MGST1: variants seen among roughly 807,000 people sequenced by gnomAD.
The protein encoded by MGST1 is microsomal glutathione S-transferase 1, also known as glutathione S-transferase 12.
In MGST1, 5 loss-of-function variants were observed where a neutral mutation model predicts 8.9. The ratio of observed to expected loss-of-function variants is 0.56; its 90% CI spans 0.29 to 1.19. The LOEUF is 1.19. MGST1 is among the 50% of genes most tolerant of loss of function. The pLI is 0.08. For synonymous variants in MGST1, 54 were observed against 67.8 expected, an observed-to-expected ratio of 0.80 and a Z score of 1.00; for missense variants, 182 against 187.4, an observed-to-expected ratio of 0.97 and a Z score of 0.17.
chr12:16,372,049 G>T (rs560000607), intron 3 of MGST1, among the ~76,000 whole-genome samples: 2 of 152,052 alleles, frequency 1.3e-5, no homozygotes, highest in East Asian at 1.9e-4. Context: ...TGGATTAAAA[G>T]CTTAAATCTA....
intron 4 of MGST1, chr12:16,573,783 A>AC (rs1942904771): frequency 6.6e-6 from 1 of 152,122 alleles, no homozygotes; most frequent in Non-Finnish European, 1.5e-5. Flanking sequence ...GCTAATTGAG[A>AC]AGTTGATCGG....
chr12:16,430,099 A>G (rs1261145111), intron 1 of MGST1, among the ~76,000 whole-genome samples: 1 of 152,200 alleles, frequency 6.6e-6, no homozygotes, highest in Non-Finnish European at 1.5e-5. Flanking sequence ...CCATCTCAAG[A>G]AATCACTTTC....
chr12:16,509,643 T>C (rs1773487963), intron 4 of MGST1, among the ~76,000 whole-genome samples: 1 of 152,224 alleles, frequency 6.6e-6, no homozygotes. Flanking sequence ...CATACCAATT[T>C]TGAAGTGTAT....
chr12:16,422,115 C>G (rs988037973), intron 1 of MGST1, among the ~76,000 whole-genome samples: 8 of 152,136 alleles, frequency 5.3e-5, no homozygotes, highest in African/African-American at 1.9e-4. Context: ...CTGGGGTGAT[C>G]ATTGGATGAG....
rs1941588767 is a variant in MGST1 at position 16,513,370 on chromosome 12, C to A, written n.483-76158C>A. 5.5e-6 allele frequency: 2 copies of A among 361,906 alleles called. No individual in the cohort carries two copies. The highest frequency in any genetic ancestry group is 4.3e-5 in the African/African-American group (2 of 46,616). The allele number at this position is 361,906 out of a possible 1,614,324, so 22.4% of individuals were successfully genotyped here. On this transcript the variant is annotated intron_variant and non_coding_transcript_variant, in intron 4 of 4. Coordinates refer to the MGST1 transcript ENST00000538857. This position sits in a 1 kb window ranked among gnomAD's most constrained non-coding sequence, Gnocchi z 4.2. Reference sequence around the variant, plus strand: ...CCCTCTGCTCCGTCCTGCGTCTGCCCACTGCCCTCCTACCGTCCACCATGG... The same window carrying A: ...CCCTCTGCTCCGTCCTGCGTCTGCCAACTGCCCTCCTACCGTCCACCATGG...
intron 4 of MGST1, among the ~76,000 whole-genome samples, chr12:16,569,856 A>G (rs1942752435): frequency 6.6e-6 from 1 of 152,196 alleles, no homozygotes; most frequent in Admixed American, 6.6e-5. Flanking sequence ...CATATGTACT[A>G]AAACAGAAAT....
chr12:16,438,196 G>T (rs1344932197), exon 2 of MGST1: 1 of 151,934 alleles, frequency 6.6e-6, no homozygotes, highest in East Asian at 1.9e-4. Context: ...TTTCACTATA[G>T]TGGCTGGACA....
At position 16,576,574 on chromosome 12, in the gene MGST1, G is replaced by T. The variant is rs757908751; in HGVS notation, n.483-12954G>T. On this transcript the variant is annotated intron_variant and non_coding_transcript_variant, in intron 4 of 4. Transcript: ENST00000538857. The surrounding 1 kb of genome is among the most constrained non-coding windows in gnomAD (Gnocchi z 4.1). ...TATACTACTTCATCTTTCAGAATCT[G>T]TATCAGTTACGTACCTGTTTGTCTC... 5.9e-5 allele frequency among the ~76,000 whole-genome samples: 9 copies of T among 152,054 alleles called. No individual in the cohort carries two copies. The highest frequency in any genetic ancestry group is 2.1e-4 in the South Asian group (1 of 4,832).
In MGST1 at chr12:16,458,083, T is replaced by C. The variant is rs1345099603; in HGVS notation, n.482+74479T>C. Among the ~76,000 whole-genome samples, 1 of 152,006 alleles carries C rather than the reference T, an allele frequency of 6.6e-6. No individual in the cohort carries two copies. The highest frequency in any genetic ancestry group is 2.4e-5 in the African/African-American group (1 of 41,406). On this transcript the variant is annotated intron_variant and non_coding_transcript_variant, in intron 4 of 4. Coordinates refer to the MGST1 transcript ENST00000538857. The surrounding 1 kb of genome is among the most constrained non-coding windows in gnomAD (Gnocchi z 4.0). ...ATTGTTTAATAGAAAATATAATTGC[T>C]TATTCATACAGAATACCCATTAAAG...
intron 4 of MGST1, among the ~76,000 whole-genome samples, chr12:16,451,015 G>C (rs1477528443): frequency 6.6e-6 from 1 of 151,778 alleles, no homozygotes; most frequent in Non-Finnish European, 1.5e-5. Context: ...TACTGTTTAG[G>C]AATTTTCTCT....
intron 4 of MGST1, among the ~76,000 whole-genome samples, chr12:16,504,712 C>T (rs1941526590): frequency 6.6e-6 from 1 of 152,036 alleles, no homozygotes; most frequent in Admixed American, 6.6e-5. Flanking sequence ...TATTCTTTGC[C>T]CTTGTTAGAA....
chr12:16,543,352 C>T lies in MGST1; in HGVS notation n.483-46176C>T, dbSNP rs1027741250. ...CTTTACCATCCACTATCTCTGACTA[C>T]GGCCTGAATCCTCAATTTACTGTCC... On this transcript the variant is annotated intron_variant and non_coding_transcript_variant, in intron 4 of 4. Coordinates refer to the MGST1 transcript ENST00000538857. 9.9e-5 allele frequency among the ~76,000 whole-genome samples: 15 copies of T among 152,212 alleles called. No homozygotes were observed. In the East Asian group the frequency reaches 2.5e-3, roughly 25 times the overall value.
At position 16,546,096 on chromosome 12, in the gene MGST1, C is replaced by A. The variant is rs2137218567; in HGVS notation, n.483-43432C>A. Among the ~76,000 whole-genome samples, 2 of 152,090 alleles carry A rather than the reference C, an allele frequency of 1.3e-5. No individual in the cohort carries two copies. The highest frequency in any genetic ancestry group is 4.1e-4 in the South Asian group (2 of 4,822). On this transcript the variant is annotated intron_variant and non_coding_transcript_variant, in intron 4 of 4. Transcript: ENST00000538857. The surrounding 1 kb of genome is among the most constrained non-coding windows in gnomAD (Gnocchi z 4.7). ...GTGTTGTGGGAATTACATGCGTGTG[C>A]AGAACTACCTGATACATGGCAATTG... is the stretch of plus-strand genomic sequence containing the variant.
At position 16,582,583 on chromosome 12, in the gene MGST1, G is replaced by C. The variant is rs1943194832; in HGVS notation, n.483-6945G>C. On this transcript the variant is annotated intron_variant and non_coding_transcript_variant, in intron 4 of 4. Transcript: ENST00000538857. The surrounding 1 kb of genome is among the most constrained non-coding windows in gnomAD (Gnocchi z 4.1). Reference sequence around the variant, plus strand: ...ATATACATTGCTTAAGCTTGTTGGAGAGTAATGGGCTACGGGTAGAGATTG... The same window carrying C: ...ATATACATTGCTTAAGCTTGTTGGACAGTAATGGGCTACGGGTAGAGATTG... Among the ~76,000 whole-genome samples the C allele has an allele frequency of 6.6e-6, 1 of 152,170 alleles. No homozygotes were observed. The highest frequency in any genetic ancestry group is 6.5e-5 in the Admixed American group (1 of 15,280).
chr12:16,432,729 C>CAGAG (rs796540022), intron 1 of MGST1, among the ~76,000 whole-genome samples: 2,708 of 130,964 alleles, frequency 0.021, 25 homozygotes, highest in East Asian at 0.025. Flanking sequence ...CACACACACA[C>CAGAG]ACAGAGAGAG....
intron 4 of MGST1, among the ~76,000 whole-genome samples, chr12:16,456,411 T>A (rs796613880): frequency 1.1e-4 from 16 of 152,028 alleles, no homozygotes; most frequent in African/African-American, 3.9e-4. Context: ...GAAAAAACGT[T>A]TTAAATCTTA....
Position 16,544,659 on chromosome 12 carries a change from C to A in MGST1, n.483-44869C>A, listed in dbSNP as rs1011553682. Among the ~76,000 whole-genome samples, 4 of 152,004 alleles carry A rather than the reference C, an allele frequency of 2.6e-5. No individual in the cohort carries two copies. The highest frequency in any genetic ancestry group is 4.4e-5 in the Non-Finnish European group (3 of 67,956). Reference sequence around the variant, plus strand: ...GAAATTTGACTACATAGGTTCAAGTCCTTATTTCTGAGGGGACAAAAATAT... The same window carrying A: ...GAAATTTGACTACATAGGTTCAAGTACTTATTTCTGAGGGGACAAAAATAT... On this transcript the variant is annotated intron_variant and non_coding_transcript_variant, in intron 4 of 4. Transcript: ENST00000538857. The surrounding 1 kb of genome is among the most constrained non-coding windows in gnomAD (Gnocchi z 4.8).
At chr12:16,450,368 C>T (rs1257131419) in intron 4 of MGST1, among the ~76,000 whole-genome samples, 1 of 151,868 alleles carries the variant, frequency 6.6e-6, no homozygotes, top group Non-Finnish European at 1.5e-5. Flanking sequence ...AAGAGGAAGA[C>T]AAAGGGCTGC....
intron 3 of MGST1, chr12:16,370,437 A>C (rs975710876): frequency 2.0e-5 from 3 of 152,164 alleles, no homozygotes; most frequent in African/African-American, 7.2e-5. Flanking sequence ...CACATATTAA[A>C]TGTAGACCAG....
Sources: gnomAD v4.1 joint callset for allele counts (sites outside exome capture counted in the v4.1 genomes callset) on GRCh38, gnomAD v4.1.1 for gene constraint, Gnocchi (gnomAD v3.1) non-coding constraint, MANE v1.5 for transcripts, NCBI Gene and HGNC (gene_info 2026-07-23, HGNC 2026-07-21) for gene names.